The following CELF2 variants were observed in gnomAD, a reference collection of about 807,000 sequenced individuals.
The protein encoded by CELF2 is CUG triplet repeat RNA-binding protein 2.
Under a neutral mutation model 62.6 loss-of-function variants are expected in CELF2, and 8 were observed. The observed-to-expected ratio is 0.13, with a 90% CI of 0.07 to 0.23. The LOEUF is 0.23. Ranked by LOEUF, CELF2 falls within the 10% of genes least tolerant of loss-of-function variation. The pLI is 1.00. For missense variants in CELF2, 333 were observed against 671.0 expected (o/e 0.50, Z 5.56); for synonymous variants, 258 against 250.0 (o/e 1.03, Z -0.30).
the CELF2 span, among the ~76,000 whole-genome samples, chr10:10,721,016 C>A: frequency 6.6e-6 from 1 of 152,130 alleles, no homozygotes. Flanking sequence ...ATAATTAAGC[C>A]ACATTAGACA....
At position 11,299,885 on chromosome 10, in the gene CELF2, T is replaced by C. The variant is rs77162345; in HGVS notation, c.976+11333T>C. On this transcript the variant is annotated intron_variant, in intron 9 of 12. Transcript: ENST00000633077. ...TCTGGGGCCAGCTAAAGGGGAAGTA[T>C]ATACTTTTGTTTCAGTAAATCATAA... Among the ~76,000 whole-genome samples the C allele has an allele frequency of 6.1e-3, 929 of 152,240 alleles. 14 individuals carry two copies. The highest frequency in any genetic ancestry group is 0.021 in the African/African-American group (867 of 41,522).
chr10:10,805,194 C>G (rs995361392), intron 1 of CELF2, among the ~76,000 whole-genome samples: 2 of 152,254 alleles, frequency 1.3e-5, no homozygotes, highest in South Asian at 2.1e-4. Flanking sequence ...TGTAAAGTTC[C>G]GGTCACTCAT....
At chr10:10,644,143 C>T in the CELF2 span, among the ~76,000 whole-genome samples, 2 of 152,170 alleles carry the variant, frequency 1.3e-5, no homozygotes, top group Admixed American at 6.5e-5. Flanking sequence ...TTTACAGACT[C>T]ATGTCTCCTG....
the CELF2 span, among the ~76,000 whole-genome samples, chr10:10,649,738 T>C: frequency 6.6e-6 from 1 of 152,164 alleles, no homozygotes; most frequent in Non-Finnish European, 1.5e-5. Context: ...CCCAAAATAC[T>C]GGTTTCTGGA....
At chr10:10,569,467 A>C in the CELF2 span, among the ~76,000 whole-genome samples, 1 of 152,200 alleles carries the variant, frequency 6.6e-6, no homozygotes, top group Non-Finnish European at 1.5e-5. Flanking sequence ...GGTCCCTCCC[A>C]CAACACATAG....
In CELF2 at chr10:10,931,656, T is replaced by A. The variant is rs1015740315; in HGVS notation, c.89+11657T>A. ...TTTCAACGTAATAGGTTTCTGCGTA[T>A]GGTTTACAAGTTTTTAAAATACATA... On this transcript the variant is annotated intron_variant, in intron 2 of 13. Transcript: ENST00000636488. This position sits in a 1 kb window ranked among gnomAD's most constrained non-coding sequence, Gnocchi z 6.1. 3.3e-5 allele frequency among the ~76,000 whole-genome samples: 5 copies of A among 152,230 alleles called. No homozygotes were observed. Among genetic ancestry groups the A allele is most frequent in the Non-Finnish European group, 5.9e-5 (4 of 68,032 alleles).
chr10:10,510,837 C>G, the CELF2 span, among the ~76,000 whole-genome samples: 2 of 152,196 alleles, frequency 1.3e-5, no homozygotes, highest in East Asian at 1.9e-4. Flanking sequence ...TGGAATAAGC[C>G]TTGCAAAGAT....
the CELF2 span, among the ~76,000 whole-genome samples, chr10:10,609,264 A>G: frequency 6.6e-6 from 1 of 152,190 alleles, no homozygotes. Context: ...TTCTGACTCA[A>G]TAAACATTCT....
chr10:10,497,913 T>C, the CELF2 span, among the ~76,000 whole-genome samples: 195 of 152,240 alleles, frequency 1.3e-3, no homozygotes, highest in African/African-American at 4.4e-3. Context: ...TGAGAATAAA[T>C]AGACGAGGTG....
At chr10:10,980,262 AC>A (rs1264583846) in intron 2 of CELF2, among the ~76,000 whole-genome samples, 2 of 152,140 alleles carry the variant, frequency 1.3e-5, no homozygotes, top group Admixed American at 1.3e-4. Flanking sequence ...TTTGTCACAT[AC>A]AGTTTTTGTT....
At chr10:11,036,564 A>G (rs1387854083) in intron 1 of CELF2, among the ~76,000 whole-genome samples, 2 of 152,240 alleles carry the variant, frequency 1.3e-5, no homozygotes, top group Non-Finnish European at 2.9e-5. Flanking sequence ...GGACATTCCT[A>G]TGATCCAGTG....
At chr10:10,820,002 G>A (rs1404058205) in intron 1 of CELF2, among the ~76,000 whole-genome samples, 1 of 152,120 alleles carries the variant, frequency 6.6e-6, no homozygotes, top group East Asian at 1.9e-4. Flanking sequence ...CCCAGGGGGA[G>A]GTAAATGAAT....
intron 5 of CELF2, among the ~76,000 whole-genome samples, chr10:11,262,964 T>TTTTTTTTTTTTTTTTTTTTTTTA (rs1386504137): frequency 7.6e-6 from 1 of 132,248 alleles, no homozygotes; most frequent in East Asian, 2.1e-4. Flanking sequence ...TTTTTTTTTT[T>TTTTTTTTTTTTTTTTTTTTTTTA]TTTGGTGCAG....
Position 11,228,394 on chromosome 10 carries a change from ATTG to A in CELF2, c.354+10890_354+10892del, listed in dbSNP as rs2067336091. On this transcript the variant is annotated intron_variant, in intron 3 of 12. Coordinates refer to ENST00000633077, the MANE Select transcript of CELF2 (RefSeq NM_001326342.2). Reference sequence around the variant, plus strand: ...TGTTTGCCTTTTCAACTAGAAGCCTATTGTTCTACATTCAAGAAAGTGAAAGTG... The same window carrying A: ...TGTTTGCCTTTTCAACTAGAAGCCTATTCTACATTCAAGAAAGTGAAAGTG... 7.9e-5 allele frequency among the ~76,000 whole-genome samples: 12 copies of A among 152,334 alleles called. No homozygotes were observed. In the South Asian group the frequency reaches 2.5e-3, roughly 32 times the overall value.
chr10:10,841,977 T>C (rs1236885815), intron 1 of CELF2, among the ~76,000 whole-genome samples: 1 of 152,108 alleles, frequency 6.6e-6, no homozygotes, highest in Non-Finnish European at 1.5e-5. Flanking sequence ...ATCAGTGTTA[T>C]GAAGTTTTCT....
At chr10:10,632,483 A>C in the CELF2 span, among the ~76,000 whole-genome samples, 1 of 152,108 alleles carries the variant, frequency 6.6e-6, no homozygotes, top group African/African-American at 2.4e-5. Context: ...ATAAAAAAGG[A>C]GATAATCTAG....
the CELF2 span, among the ~76,000 whole-genome samples, chr10:10,578,811 C>T: frequency 2.0e-5 from 3 of 152,128 alleles, no homozygotes; most frequent in Admixed American, 6.6e-5. Context: ...CACATCTTGA[C>T]GTTAATTCTT....
chr10:10,696,930 A>C, the CELF2 span, among the ~76,000 whole-genome samples: 2 of 152,148 alleles, frequency 1.3e-5, no homozygotes, highest in Non-Finnish European at 2.9e-5. Flanking sequence ...GAAATGCAGA[A>C]ATCACCCGTC....
chr10:10,781,469 G>A, the CELF2 span, among the ~76,000 whole-genome samples: 4 of 152,200 alleles, frequency 2.6e-5, no homozygotes, highest in Non-Finnish European at 5.9e-5. Context: ...AGGTGAAGGA[G>A]GAGCAAAGGC....
Sources: allele counts gnomAD v4.1 joint callset (sites outside exome capture counted in the v4.1 genomes callset), GRCh38; gene constraint gnomAD v4.1.1; non-coding constraint Gnocchi (gnomAD v3.1); transcripts MANE v1.5; gene names NCBI Gene and HGNC (gene_info 2026-07-23, HGNC 2026-07-21).